Variants in ST8SIA5 observed in about 807,000 individuals in gnomAD.
The protein encoded by ST8SIA5 is alpha-2,8-sialyltransferase 8E.
In ST8SIA5, 24 loss-of-function variants were observed where a neutral mutation model predicts 40.2. That is an observed-to-expected ratio of 0.60 (90% CI 0.43 to 0.84). ST8SIA5 has a LOEUF of 0.84. ST8SIA5 is among the 40% of genes least tolerant of loss of function. The pLI is 0.00. For synonymous variants in ST8SIA5, 198 were observed against 201.8 expected (o/e 0.98, Z 0.16); for missense variants, 465 against 498.5 (o/e 0.93, Z 0.64).
At chr18:46,748,587 TA>T (rs1429552236) in intron 1 of ST8SIA5, among the ~76,000 whole-genome samples, 3 of 134,368 alleles carry the variant, frequency 2.2e-5, no homozygotes, top group Non-Finnish European at 3.2e-5. Flanking sequence ...GCAAAGAATC[TA>T]AATAGATATT....
intron 1 of ST8SIA5, among the ~76,000 whole-genome samples, chr18:46,755,170 C>T (rs2040229933): frequency 6.6e-6 from 1 of 152,182 alleles, no homozygotes; most frequent in African/African-American, 2.4e-5. Flanking sequence ...GGAGGGGAAA[C>T]AGCCTAAGTG....
chr18:46,728,556 C>A (rs1185750796), intron 1 of ST8SIA5, among the ~76,000 whole-genome samples: 1 of 152,220 alleles, frequency 6.6e-6, no homozygotes, highest in Non-Finnish European at 1.5e-5. Context: ...AGAAGCCCCA[C>A]CCCTGATGCC....
In ST8SIA5 at chr18:46,684,000, C is replaced by T. The variant is rs571902122; in HGVS notation, c.570-1936G>A. On this transcript the variant is annotated intron_variant, in intron 5 of 6. Coordinates refer to ENST00000315087, the MANE Select transcript of ST8SIA5 (RefSeq NM_013305.6). ...CTAGTGCAATAGCATCTAGGACATG[C>T]CTAGAACAGGACGGAGTCTCAGGGC... is the stretch of plus-strand genomic sequence containing the variant. Among the ~76,000 whole-genome samples the T allele has an allele frequency of 3.2e-4, 48 of 152,004 alleles. No individual in the cohort carries two copies. In the South Asian group the frequency reaches 5.6e-3, roughly 18 times the overall value.
rs2039919668 is a variant in ST8SIA5, at chr18:46,725,982, T to TATATATATATCCTGG, written c.132-21319_132-21318insCCAGGATATATATAT. Among the ~76,000 whole-genome samples, 6 of 46,490 alleles carry TATATATATATCCTGG rather than the reference T, an allele frequency of 1.3e-4. 2 individuals carry two copies. Among genetic ancestry groups the TATATATATATCCTGG allele is most frequent in the African/African-American group, 5.3e-4 (6 of 11,384 alleles). 30.5% of individuals were successfully genotyped at this position (46,490 alleles called of 152,430 possible). A position where few individuals can be genotyped will look rare whatever the true frequency, so the allele number is the denominator to read the frequency against. ...CTTAAAAAAAAAAAAAATATATATA[T>TATATATATATCCTGG]ATATATATATATATATATATATATA... is the stretch of plus-strand genomic sequence containing the variant. On this transcript the variant is annotated intron_variant, in intron 1 of 6. Transcript: ENST00000315087.
chr18:46,685,863 A>G lies in ST8SIA5; in HGVS notation c.569+311T>C, dbSNP rs2039441003. On this transcript the variant is annotated intron_variant, in intron 5 of 6. Transcript: ENST00000315087. Reference sequence around the variant, plus strand: ...CTTCTGGAAGGGCAGCACCCACCCAAGGAGACGGTGCCCAGAGGACCTCCC... The same window carrying G: ...CTTCTGGAAGGGCAGCACCCACCCAGGGAGACGGTGCCCAGAGGACCTCCC... 6 of 344,416 alleles carry G rather than the reference A, an allele frequency of 1.7e-5. No individual in the cohort carries two copies. The South Asian group carries it at 2.5e-4, about 14-fold the overall frequency. The allele number at this position is 344,416 out of a possible 1,614,324, so 21.3% of individuals were successfully genotyped here.
intron 1 of ST8SIA5, among the ~76,000 whole-genome samples, chr18:46,718,065 A>C (rs370100333): frequency 2.0e-5 from 3 of 152,184 alleles, no homozygotes; most frequent in Non-Finnish European, 4.4e-5. Flanking sequence ...GCTGTGGCTC[A>C]CGCCTGTAAT....
intron 5 of ST8SIA5, 143 bp downstream of exon 5, chr18:46,686,031 G>T: frequency 1.3e-6 from 1 of 741,660 alleles, no homozygotes; most frequent in South Asian, 1.7e-5. Context: ...CTGGAGAGAA[G>T]AAGGGATATC....
chr18:46,750,885 TCTAA>T (rs1199359256), intron 1 of ST8SIA5, among the ~76,000 whole-genome samples: 1 of 152,230 alleles, frequency 6.6e-6, no homozygotes, highest in South Asian at 2.1e-4. Flanking sequence ...TCAGTGGTTT[TCTAA>T]CTGAGGGTTT....
chr18:46,711,751 C>T (rs113122101), intron 1 of ST8SIA5, among the ~76,000 whole-genome samples: 3,088 of 152,276 alleles, frequency 0.02, 96 homozygotes, highest in African/African-American at 0.069. Context: ...TTAACAACTG[C>T]GGGTCACAGC....
intron 3 of ST8SIA5, 88 bp downstream of exon 3, chr18:46,692,081 C>G: frequency 1.4e-6 from 2 of 1,392,022 alleles, no homozygotes; most frequent in Non-Finnish European, 2.0e-6. Flanking sequence ...ACGCTGAGAG[C>G]TGGGCCTTGC....
chr18:46,692,050 G>A, intron 3 of ST8SIA5, 119 bp downstream of exon 3: 2 of 1,027,088 alleles, frequency 1.9e-6, no homozygotes, highest in Non-Finnish European at 3.0e-6. Context: ...GCCCAGTCAG[G>A]GTCTGCTCTG....
rs1262526725 is a variant in ST8SIA5, at chr18:46,675,985, T to G, written c.*4057A>C. On this transcript the variant is annotated 3_prime_UTR_variant, in exon 7 of 7. Transcript: ENST00000315087. ...GGTGGGAGGATCACTTGAACCCAGG[T>G]GTCGAGGCTGCAGTGAGCCATATTT... 1 of 151,966 alleles carries G rather than the reference T, an allele frequency of 6.6e-6. No individual in the cohort carries two copies. The highest frequency in any genetic ancestry group is 1.5e-5 in the Non-Finnish European group (1 of 67,982). 9.4% of individuals were successfully genotyped at this position (151,966 alleles called of 1,614,324 possible).
Position 46,679,212 on chromosome 18 carries a change from G to A in ST8SIA5, c.*830C>T, listed in dbSNP as rs1187817843. On this transcript the variant is annotated 3_prime_UTR_variant, in exon 7 of 7. Transcript: ENST00000315087. ...GGAAGCCAATTGCTAAGCACTTATT[G>A]AGTCAATAACATTGGCTTGGAAGCC... 2 of 152,252 alleles carry A rather than the reference G, an allele frequency of 1.3e-5. No individual in the cohort carries two copies. The highest frequency in any genetic ancestry group is 4.8e-5 in the African/African-American group (2 of 41,472). The allele number at this position is 152,252 out of a possible 1,614,324, so 9.4% of individuals were successfully genotyped here.
At chr18:46,752,905 C>A (rs912373664) in intron 1 of ST8SIA5, among the ~76,000 whole-genome samples, 1 of 152,208 alleles carries the variant, frequency 6.6e-6, no homozygotes, top group Admixed American at 6.5e-5. Context: ...TACCTCCCAG[C>A]CTCTCTACCT....
rs1356886189 is a variant in ST8SIA5 at position 46,676,782 on chromosome 18, T to G, written c.*3260A>C. On this transcript the variant is annotated 3_prime_UTR_variant, in exon 7 of 7. Transcript: ENST00000315087. ...TAATAATTCAATGGGTAGTCTGCACTGCATGGTGGCGTGGTGACAGGGCTG... is the reference window on the plus strand; with the variant it reads ...TAATAATTCAATGGGTAGTCTGCACGGCATGGTGGCGTGGTGACAGGGCTG... 2 of 152,290 alleles carry G rather than the reference T, an allele frequency of 1.3e-5. No homozygotes were observed. Among genetic ancestry groups the G allele is most frequent in the Admixed American group, 6.5e-5 (1 of 15,282 alleles). The allele number at this position is 152,290 out of a possible 1,614,324, so 9.4% of individuals were successfully genotyped here. A position where few individuals can be genotyped will look rare whatever the true frequency, so the allele number is the denominator to read the frequency against.
intron 1 of ST8SIA5, among the ~76,000 whole-genome samples, chr18:46,723,544 C>T (rs991378469): frequency 7.2e-5 from 11 of 151,862 alleles, no homozygotes; most frequent in African/African-American, 2.4e-4. Flanking sequence ...AGAGTGAGAC[C>T]CTGTCTTGAA....
intron 2 of ST8SIA5, among the ~76,000 whole-genome samples, chr18:46,701,317 T>A (rs1248342785): frequency 6.6e-6 from 1 of 151,820 alleles, no homozygotes; most frequent in Non-Finnish European, 1.5e-5. Flanking sequence ...ATTTTTGTAT[T>A]TTTAGTAGAG....
At chr18:46,732,105 A>G (rs2039990374) in intron 1 of ST8SIA5, among the ~76,000 whole-genome samples, 1 of 152,176 alleles carries the variant, frequency 6.6e-6, no homozygotes, top group Admixed American at 6.5e-5. Context: ...CCAGTTCTTA[A>G]AGGTTGCCAA....
chr18:46,683,522 G>A (rs2039417839), intron 5 of ST8SIA5, among the ~76,000 whole-genome samples: 1 of 152,138 alleles, frequency 6.6e-6, no homozygotes, highest in East Asian at 1.9e-4. Flanking sequence ...TACAAGCTGA[G>A]GGCAGAGAGG....
Sources: allele counts gnomAD v4.1 joint callset (sites outside exome capture counted in the v4.1 genomes callset), GRCh38; gene constraint gnomAD v4.1.1; transcripts MANE v1.5; gene names NCBI Gene and HGNC (gene_info 2026-07-23, HGNC 2026-07-21).